Variants in VMP1 observed in about 807,000 individuals in gnomAD.
The protein encoded by VMP1 is ectopic P-granules autophagy protein 3 homolog.
In VMP1, 11 loss-of-function variants were observed where a neutral mutation model predicts 56.0. The observed-to-expected ratio is 0.20, with a 90% CI of 0.12 to 0.32. VMP1 has a LOEUF of 0.32. VMP1 is among the 10% of genes least tolerant of loss of function. The probability of loss-of-function intolerance (pLI) is 1.00; values close to 1 mark genes in which losing one functional copy is unlikely to be tolerated. For missense variants in VMP1, 296 were observed against 490.3 expected (o/e 0.60, Z 3.74); for synonymous variants, 149 against 165.0 (o/e 0.90, Z 0.74).
intron 7 of VMP1, among the ~76,000 whole-genome samples, chr17:59,783,974 C>T (rs2036915748): frequency 6.6e-6 from 1 of 152,050 alleles, no homozygotes. Flanking sequence ...CTATTTAACC[C>T]AGTTTTCTTC....
Position 59,789,835 on chromosome 17 carries a change from C to CTTTTTTTTTTTTT in VMP1, c.714+15960_714+15972dup, listed in dbSNP as rs754631557. On this transcript the variant is annotated intron_variant, in intron 7 of 11. Coordinates refer to ENST00000262291, the MANE Select transcript of VMP1 (RefSeq NM_030938.5). ...TTCCTTCCTTCCTTTCTTTCTTTCCCTTTTTTTTTTTTTTTTTTTTTTGAG... is the reference window on the plus strand; with the variant it reads ...TTCCTTCCTTCCTTTCTTTCTTTCCCTTTTTTTTTTTTTTTTTTTTTTTTTTTTTTTTTTTGAG... Among the ~76,000 whole-genome samples, 161 of 85,980 alleles carry CTTTTTTTTTTTTT rather than the reference C, an allele frequency of 1.9e-3. 12 individuals are homozygous for CTTTTTTTTTTTTT. Among genetic ancestry groups the CTTTTTTTTTTTTT allele is most frequent in the African/African-American group, 5.8e-3 (120 of 20,690 alleles). The allele number at this position is 85,980 out of a possible 152,430, so 56.4% of individuals were successfully genotyped here.
At chr17:59,725,997 G>C (rs935126828) in intron 1 of VMP1, among the ~76,000 whole-genome samples, 15 of 152,250 alleles carry the variant, frequency 9.9e-5, no homozygotes, top group African/African-American at 3.1e-4. Context: ...AGAGTAAATA[G>C]GGGCAAATGA....
chr17:59,745,196 T>C (rs1420005283), intron 5 of VMP1, among the ~76,000 whole-genome samples: 2 of 152,170 alleles, frequency 1.3e-5, no homozygotes, highest in Non-Finnish European at 2.9e-5. Context: ...CTTGAGATCT[T>C]TGTGTTGTTT....
chr17:59,772,489 C>T (rs1446565031), intron 6 of VMP1, among the ~76,000 whole-genome samples: 1 of 151,320 alleles, frequency 6.6e-6, no homozygotes, highest in Non-Finnish European at 1.5e-5. Flanking sequence ...CAGAGCTTGG[C>T]TGGGCGTGGT....
At chr17:59,758,171 A>G (rs2035916992) in intron 5 of VMP1, among the ~76,000 whole-genome samples, 1 of 152,028 alleles carries the variant, frequency 6.6e-6, no homozygotes, top group South Asian at 2.1e-4. Context: ...TACTCCCTGT[A>G]TTGATCTTTA....
chr17:59,797,984 A>G (rs1014090382), intron 7 of VMP1, among the ~76,000 whole-genome samples: 6 of 152,222 alleles, frequency 3.9e-5, no homozygotes, highest in African/African-American at 1.4e-4. Flanking sequence ...TTTTGCAGGG[A>G]GTAATTACTA....
At position 59,784,290 on chromosome 17, in the gene VMP1, C is replaced by A. The variant is rs974238460; in HGVS notation, c.714+10405C>A. On this transcript the variant is annotated intron_variant, in intron 7 of 11. Transcript: ENST00000262291. ...TCCTCCACCACTATGCGGTATTGTT[C>A]TTTTTCGTAACTTTGCCTAGTGTGT... Among the ~76,000 whole-genome samples, 11 of 152,080 alleles carry A rather than the reference C, an allele frequency of 7.2e-5. 1 individual carries two copies. Among genetic ancestry groups the A allele is most frequent in the Non-Finnish European group, 1.3e-4 (9 of 67,996 alleles).
At chr17:59,820,993 C>T (rs1293869285) in intron 10 of VMP1, among the ~76,000 whole-genome samples, 3 of 139,182 alleles carry the variant, frequency 2.2e-5, no homozygotes, top group Admixed American at 7.5e-5. Context: ...TTTTTTGTGA[C>T]GGAGTCTCAC....
chr17:59,786,537 C>T (rs1279984121), intron 7 of VMP1, among the ~76,000 whole-genome samples: 1 of 152,198 alleles, frequency 6.6e-6, no homozygotes, highest in East Asian at 1.9e-4. Context: ...CATTTGAAGA[C>T]TCTGGGTGTC....
chr17:59,759,987 G>A (rs1160654182), intron 5 of VMP1, among the ~76,000 whole-genome samples: 1 of 146,434 alleles, frequency 6.8e-6, no homozygotes, highest in African/African-American at 2.5e-5. Flanking sequence ...ATAGCTAGGT[G>A]TAGTGATGCA....
chr17:59,803,772 T>A lies in VMP1; in HGVS notation c.715-5024T>A, dbSNP rs1028867794. ...TATTCAAATGAAATATTAATTTTTT[T>A]AACTTTTAATGGGAACATTGAATAC... On this transcript the variant is annotated intron_variant, in intron 7 of 11. Transcript: ENST00000262291. Among the ~76,000 whole-genome samples the A allele has an allele frequency of 3.9e-5, 6 of 152,312 alleles. No individual in the cohort carries two copies. The East Asian group carries it at 1.2e-3, about 29-fold the overall frequency.
At chr17:59,745,559 CA>C (rs1468079065) in intron 5 of VMP1, among the ~76,000 whole-genome samples, 18 of 152,208 alleles carry the variant, frequency 1.2e-4, no homozygotes, top group Middle Eastern at 3.4e-3. Flanking sequence ...GATTAGTGAT[CA>C]ACAGAATTTT....
chr17:59,758,797 G>GA (rs1016700300), intron 5 of VMP1, among the ~76,000 whole-genome samples: 1 of 151,456 alleles, frequency 6.6e-6, no homozygotes, highest in African/African-American at 2.4e-5. Flanking sequence ...TACAAATAAT[G>GA]AAAAAAAATT....
chr17:59,716,972 ATTTTTATTTT>A (rs1314930261), intron 1 of VMP1, among the ~76,000 whole-genome samples: 12 of 151,410 alleles, frequency 7.9e-5, no homozygotes, highest in Non-Finnish European at 1.3e-4. Context: ...TAGTCCTCCA[ATTTTTATTTT>A]TTTTTATTTT....
At chr17:59,790,230 T>C (rs984912770) in intron 7 of VMP1, among the ~76,000 whole-genome samples, 1 of 152,172 alleles carries the variant, frequency 6.6e-6, no homozygotes, top group Non-Finnish European at 1.5e-5. Context: ...GTCTTACAAC[T>C]TCAAAATATG....
At chr17:59,827,670 G>A (rs2038685264) in intron 10 of VMP1, among the ~76,000 whole-genome samples, 1 of 152,036 alleles carries the variant, frequency 6.6e-6, no homozygotes, top group Admixed American at 6.6e-5. Flanking sequence ...ACTATAAAAA[G>A]CTGCCACCAG....
At chr17:59,764,419 C>T (rs2036163143) in intron 5 of VMP1, among the ~76,000 whole-genome samples, 1 of 152,108 alleles carries the variant, frequency 6.6e-6, no homozygotes, top group African/African-American at 2.4e-5. Flanking sequence ...GCCTCCAACA[C>T]CTGGGCTCAA....
intron 6 of VMP1, among the ~76,000 whole-genome samples, chr17:59,766,902 C>T (rs1314676187): frequency 6.6e-6 from 1 of 152,014 alleles, no homozygotes; most frequent in Non-Finnish European, 1.5e-5. Context: ...GCCTCAGCCT[C>T]CCCAGTAGCT....
chr17:59,776,210 T>TA (rs10548749), intron 7 of VMP1, among the ~76,000 whole-genome samples: 6 of 150,838 alleles, frequency 4.0e-5, no homozygotes, highest in Admixed American at 2.7e-4. Context: ...AGACCCCACC[T>TA]AAAAAAAAAC....
Sources: gnomAD v4.1 joint callset for allele counts (sites outside exome capture counted in the v4.1 genomes callset) on GRCh38, gnomAD v4.1.1 for gene constraint, MANE v1.5 for transcripts, NCBI Gene and HGNC (gene_info 2026-07-23, HGNC 2026-07-21) for gene names.